Variants in CCDC57 observed in about 807,000 individuals in gnomAD.
The protein encoded by CCDC57 is coiled-coil domain containing 57, also known as coiled-coil domain-containing protein 57.
Under a neutral mutation model 118.9 loss-of-function variants are expected in CCDC57, and 118 were observed. That is an observed-to-expected ratio of 0.99 (90% CI 0.86 to 1.16). CCDC57 has a LOEUF of 1.16. CCDC57 is among the 50% of genes most tolerant of loss of function. The probability of loss-of-function intolerance (pLI) is 0.00; values close to 1 mark genes in which losing one functional copy is unlikely to be tolerated. For synonymous variants in CCDC57, 527 were observed against 532.9 expected (o/e 0.99, Z 0.15); for missense variants, 1,300 against 1,320.7 (o/e 0.98, Z 0.24).
At chr17:82,107,513 A>G (rs1250726525) in intron 19 of CCDC57, 1 of 470,706 alleles carries the variant, frequency 2.1e-6, no homozygotes, top group African/African-American at 2.0e-5. Flanking sequence ...CCCCCGCCAG[A>G]AAGGAGGAAG....
chr17:82,191,758 C>G (rs1213619340), intron 7 of CCDC57, among the ~76,000 whole-genome samples: 1 of 152,076 alleles, frequency 6.6e-6, no homozygotes, highest in Admixed American at 6.5e-5. Flanking sequence ...GCTCCACATC[C>G]CAGATTCAAG....
At chr17:82,151,079 T>C (rs376786304) in intron 16 of CCDC57, among the ~76,000 whole-genome samples, 2,460 of 10,296 alleles carry the variant, frequency 0.24, no homozygotes, top group Non-Finnish European at 0.26. Context: ...AGGCGCACAC[T>C]CAGAACCTGG....
chr17:82,121,531 T>C (rs2036679920), intron 19 of CCDC57, among the ~76,000 whole-genome samples: 1 of 152,230 alleles, frequency 6.6e-6, no homozygotes, highest in African/African-American at 2.4e-5. Flanking sequence ...TCTGGGCAGC[T>C]TCTCCCTCCC....
chr17:82,205,241 A>G lies in CCDC57; in HGVS notation c.-9+2606T>C, dbSNP rs544788827. Among the ~76,000 whole-genome samples the G allele has an allele frequency of 2.0e-5, 3 of 152,318 alleles. No homozygotes were observed. In the East Asian group the frequency reaches 5.8e-4, roughly 29 times the overall value. ...GTGAGTCATGACAACGGTTCTCTGC[A>G]GAGCCTGAGGTCTGCGAGGTCTACG... On this transcript the variant is annotated intron_variant, in intron 2 of 19. Transcript: ENST00000665763.
intron 16 of CCDC57, among the ~76,000 whole-genome samples, chr17:82,148,811 G>A (rs1275090324): frequency 1.1e-4 from 9 of 81,102 alleles, no homozygotes; most frequent in African/African-American, 3.3e-4. Context: ...GGATGGATGG[G>A]TGGGTGGGTG....
intron 8 of CCDC57, 96 bp downstream of exon 7, chr17:82,188,123 C>A: frequency 9.6e-7 from 1 of 1,038,284 alleles, no homozygotes; most frequent in Non-Finnish European, 1.3e-6. Flanking sequence ...TGCTGCCTGG[C>A]CCCCTTTCCT....
At chr17:82,151,178 GGC>G (rs2041980750) in intron 16 of CCDC57, among the ~76,000 whole-genome samples, 1 of 136,592 alleles carries the variant, frequency 7.3e-6, no homozygotes, top group Non-Finnish European at 1.6e-5. Flanking sequence ...CCCAGAACCA[GGC>G]GCACACCCAG....
At chr17:82,139,825 T>G (rs747355810) in intron 16 of CCDC57, among the ~76,000 whole-genome samples, 10 of 152,298 alleles carry the variant, frequency 6.6e-5, no homozygotes, top group Non-Finnish European at 8.8e-5. Flanking sequence ...GGACTCAGTC[T>G]CTAGTCGAGA....
chr17:82,201,523 C>G lies in CCDC57; in HGVS notation c.407+15G>C, dbSNP rs753463215. ...CCAGGCACTGCACAGGAGGGCGCGT[C>G]GGTCGGTGGCTCACCTGTGGACGCG... On this transcript the variant is annotated intron_variant, in intron 3 of 19. Transcript: ENST00000665763. 6.3e-7 allele frequency: 1 copy of G among 1,578,858 alleles called. No homozygotes were observed. The highest frequency in any genetic ancestry group is 1.1e-5 in the South Asian group (1 of 88,340).
chr17:82,106,763 C>T (rs373560350), intron 19 of CCDC57, among the ~76,000 whole-genome samples: 155 of 152,300 alleles, frequency 1.0e-3, no homozygotes, highest in Non-Finnish European at 1.8e-3. Flanking sequence ...TTAGACGACT[C>T]GTGGTCTCTG....
chr17:82,117,182 C>T (rs1441617251), intron 19 of CCDC57, among the ~76,000 whole-genome samples: 2 of 145,470 alleles, frequency 1.4e-5, no homozygotes, highest in African/African-American at 2.6e-5. Flanking sequence ...GAAAACCCAT[C>T]TCTACAAAAA....
intron 1 of CCDC57, among the ~76,000 whole-genome samples, chr17:82,210,399 T>C (rs1215511049): frequency 3.3e-5 from 5 of 151,942 alleles, no homozygotes; most frequent in Admixed American, 6.6e-5. Context: ...TTGCTGGGCG[T>C]TGTGGCTCAG....
intron 19 of CCDC57, chr17:82,107,414 C>T (rs570777617): frequency 8.5e-6 from 4 of 468,678 alleles, no homozygotes; most frequent in East Asian, 1.4e-4. Context: ...TGCTGTGTGG[C>T]TTGTCACCCT....
intron 13 of CCDC57, among the ~76,000 whole-genome samples, chr17:82,166,310 G>A (rs1417299084): frequency 2.0e-5 from 3 of 146,696 alleles, no homozygotes; most frequent in Non-Finnish European, 4.5e-5. Flanking sequence ...AATAGTTTAA[G>A]ATCAGCCTGG....
chr17:82,190,677 C>G (rs1195566520), intron 7 of CCDC57, among the ~76,000 whole-genome samples: 1 of 121,382 alleles, frequency 8.2e-6, no homozygotes, highest in East Asian at 2.4e-4. Flanking sequence ...GCCTGGGCAA[C>G]AGAGCGAGAC....
At chr17:82,117,580 G>A (rs2036083767) in intron 19 of CCDC57, among the ~76,000 whole-genome samples, 1 of 152,154 alleles carries the variant, frequency 6.6e-6, no homozygotes, top group Non-Finnish European at 1.5e-5. Context: ...TGAGAAGCCT[G>A]GGAGGTTGAG....
intron 19 of CCDC57, among the ~76,000 whole-genome samples, chr17:82,123,122 C>CTTTTTTTTTTTTT (rs34869339): frequency 2.8e-5 from 3 of 105,766 alleles, no homozygotes; most frequent in African/African-American, 3.8e-5. Context: ...CTCCTAATAA[C>CTTTTTTTTTTTTT]TTTTTTTTTT....
chr17:82,180,204 G>A (rs147211128), intron 9 of CCDC57, among the ~76,000 whole-genome samples: 2 of 152,354 alleles, frequency 1.3e-5, no homozygotes, highest in East Asian at 3.9e-4. Flanking sequence ...GACCCTGGCT[G>A]TCAGACAGTG....
chr17:82,118,931 G>A lies in CCDC57; in HGVS notation c.2899+8761C>T, dbSNP rs1044504740. Among the ~76,000 whole-genome samples, 4 of 151,308 alleles carry A rather than the reference G, an allele frequency of 2.6e-5. No homozygotes were observed. Among genetic ancestry groups the A allele is most frequent in the African/African-American group, 4.9e-5 (2 of 41,056 alleles). On this transcript the variant is annotated intron_variant, in intron 19 of 19. Coordinates refer to ENST00000665763, the Ensembl canonical transcript of CCDC57. The surrounding 1 kb of genome is among the most constrained non-coding windows in gnomAD (Gnocchi z 4.7). ...TGGTTTGCCTTGGAGTCCCTCCCTC[G>A]CCCTGGAATGCCTGGTAGTGTGTGG...
Sources: allele counts gnomAD v4.1 joint callset (sites outside exome capture counted in the v4.1 genomes callset), GRCh38; gene constraint gnomAD v4.1.1; non-coding constraint Gnocchi (gnomAD v3.1); transcripts MANE v1.5; gene names NCBI Gene and HGNC (gene_info 2026-07-23, HGNC 2026-07-21).